RHOT1: variants seen among roughly 807,000 people sequenced by gnomAD.
RHOT1 encodes the protein mitochondrial Rho GTPase 1.
RHOT1 carries 27 observed loss-of-function variants against 95.3 expected under a neutral mutation model. The observed-to-expected ratio is 0.28, with a 90% CI of 0.21 to 0.39. The LOEUF is 0.39. Among genes scored for constraint, RHOT1 ranks in the 10% least tolerant of loss-of-function variants. The pLI is 1.00. For missense variants in RHOT1, 578 were observed against 786.7 expected, an observed-to-expected ratio of 0.73 and a Z score of 3.17; for synonymous variants, 227 against 263.5, an observed-to-expected ratio of 0.86 and a Z score of 1.34.
intron 1 of RHOT1, among the ~76,000 whole-genome samples, chr17:32,145,274 TG>T (rs2031139126): frequency 6.6e-6 from 1 of 152,126 alleles, no homozygotes; most frequent in Admixed American, 6.6e-5. Context: ...CATTCCAACC[TG>T]GGGGACAGAG....
intron 1 of RHOT1, among the ~76,000 whole-genome samples, chr17:32,159,011 G>A (rs1038182965): frequency 6.6e-6 from 1 of 152,172 alleles, no homozygotes; most frequent in Non-Finnish European, 1.5e-5. Context: ...GCAGCTGAGT[G>A]CATCACTCCT....
chr17:32,154,538 G>C (rs1193580804), intron 1 of RHOT1, among the ~76,000 whole-genome samples: 1 of 146,870 alleles, frequency 6.8e-6, no homozygotes, highest in African/African-American at 2.5e-5. Flanking sequence ...GGTGAGCAGA[G>C]ACGGCGCCAC....
At chr17:32,209,368 CAG>C in intron 18 of RHOT1, 1 of 1,608,996 alleles carries the variant, frequency 6.2e-7, no homozygotes, top group Non-Finnish European at 8.5e-7. Context: ...ATTACAGAGA[CAG>C]ACTCTCCCGA....
At chr17:32,224,574 A>G (rs548177654) in intron 19 of RHOT1, 42 bp from the exon 20 acceptor site, 7 of 1,387,260 alleles carry the variant, frequency 5.0e-6, no homozygotes, top group Non-Finnish European at 7.0e-6. Flanking sequence ...GGGTTTTCAT[A>G]CTAATCATGT....
At chr17:32,220,448 TTGA>T (rs1189234699) in intron 19 of RHOT1, among the ~76,000 whole-genome samples, 3 of 152,188 alleles carry the variant, frequency 2.0e-5, no homozygotes, top group Admixed American at 2.0e-4. Flanking sequence ...GTTTCCATAA[TTGA>T]TGAAGAAGTC....
At position 32,199,534 on chromosome 17, in the gene RHOT1, T is replaced by A; in HGVS notation, c.1084T>A (p.Phe362Ile). Residue 362 changes from phenylalanine to isoleucine, a missense_variant, in exon 13 of 20, where the codon TTC becomes ATC. By Grantham distance (21) the Phe-to-Ile change is conservative (BLOSUM62 0). Transcript: ENST00000545287. The stretch of plus-strand genomic sequence containing the variant: ...AAGAGGCTGGATAACCTACCAGGGA[T>A]TCCTTTCCCAGTGGACGTGAGTATA... ...NERGWITYQGFLSQWTLTTYL... is the reference protein window; with the variant it reads ...NERGWITYQGILSQWTLTTYL... 6.2e-7 allele frequency: 1 copy of A among 1,609,644 alleles called. No homozygotes were observed. The highest frequency in any genetic ancestry group is 8.5e-7 in the Non-Finnish European group (1 of 1,179,008).
chr17:32,155,583 C>T (rs2032883883), intron 1 of RHOT1, among the ~76,000 whole-genome samples: 1 of 150,366 alleles, frequency 6.7e-6, no homozygotes, highest in Non-Finnish European at 1.5e-5. Context: ...CACTCTGTTG[C>T]CCAAGCTGGA....
intron 1 of RHOT1, 162 bp downstream of exon 1, chr17:32,142,891 C>T (rs577969277): frequency 4.2e-5 from 32 of 759,644 alleles, no homozygotes; most frequent in Non-Finnish European, 7.3e-5. Context: ...CCTTCCAGCC[C>T]CTTCACTCTT....
intron 15 of RHOT1, 71 bp from the exon 16 acceptor site, chr17:32,203,819 T>C (rs1365930696): frequency 4.7e-6 from 5 of 1,064,098 alleles, no homozygotes; most frequent in East Asian, 2.4e-5. Context: ...CCTGCACATA[T>C]ACACAGAGAT....
At chr17:32,207,136 T>A in intron 17 of RHOT1, 107 bp downstream of exon 17, 1 of 1,076,018 alleles carries the variant, frequency 9.3e-7, no homozygotes, top group Non-Finnish European at 1.3e-6. Flanking sequence ...ATCATGTGTA[T>A]TTTAAAAATA....
rs1248656949 is a variant in RHOT1, at chr17:32,212,572, ACCT to A, written c.1862+1338_1862+1340del. Among the ~76,000 whole-genome samples the A allele has an allele frequency of 7.9e-5, 12 of 152,038 alleles. No homozygotes were observed. The South Asian group carries it at 2.1e-3, about 26-fold the overall frequency. The stretch of plus-strand genomic sequence containing the variant: ...GAGATTCTAGAATTCATCTGGCCTA[ACCT>A]CCTGTTAGAATGCCTTCCTGCAAGC... On this transcript the variant is annotated intron_variant, in intron 19 of 19. Transcript: ENST00000545287.
In RHOT1 at chr17:32,206,976, G is replaced by A; in HGVS notation, c.1483G>A (p.Val495Ile). 1.2e-6 allele frequency: 2 copies of A among 1,612,206 alleles called. No homozygotes were observed. Among genetic ancestry groups the A allele is most frequent in the East Asian group, 2.2e-5 (1 of 44,792 alleles). The part of the protein sequence containing the change: ...AEIICDVVCL[V>I]YDVSNPKSFE... Reference sequence around the variant, plus strand: ...AATCATTTGTGATGTTGTATGCCTGGTATATGATGTCAGCAATCCCAAATC... The same window carrying A: ...AATCATTTGTGATGTTGTATGCCTGATATATGATGTCAGCAATCCCAAATC... The change falls in exon 17 of 20, where the codon GTA becomes ATA. Residue 495 changes from valine to isoleucine, a missense_variant. Physicochemically the swap from Val to Ile is conservative, Grantham distance 29 (BLOSUM62 3). Transcript: ENST00000545287.
At chr17:32,199,214 T>C (rs118023416) in intron 12 of RHOT1, among the ~76,000 whole-genome samples, 183 bp downstream of exon 12, 2,940 of 152,338 alleles carry the variant, frequency 0.019, 39 homozygotes, top group South Asian at 0.026. Flanking sequence ...AAGATGAAAA[T>C]GTCTAATTTC....
intron 1 of RHOT1, among the ~76,000 whole-genome samples, chr17:32,162,499 C>T (rs1466521789): frequency 1.3e-5 from 2 of 152,238 alleles, no homozygotes; most frequent in South Asian, 2.1e-4. Context: ...CCTGTTATTC[C>T]CAGTTCTCCG....
chr17:32,197,015 C>T (rs1385794689), intron 11 of RHOT1, among the ~76,000 whole-genome samples: 5 of 150,016 alleles, frequency 3.3e-5, no homozygotes, highest in South Asian at 2.1e-4. Context: ...CCCAGCTATT[C>T]GGGAGGCTGA....
intron 6 of RHOT1, among the ~76,000 whole-genome samples, chr17:32,178,138 G>A (rs1187700509): frequency 5.3e-5 from 8 of 151,704 alleles, no homozygotes; most frequent in Admixed American, 2.6e-4. Flanking sequence ...TGAGTCGATC[G>A]ACCACCCAGC....
chr17:32,151,119 T>G (rs1348890629), intron 1 of RHOT1: 13 of 876,934 alleles, frequency 1.5e-5, no homozygotes, highest in Non-Finnish European at 2.2e-5. Context: ...TCCTCTCCAA[T>G]TTACCATGAC....
intron 6 of RHOT1, among the ~76,000 whole-genome samples, chr17:32,177,460 AGAG>A (rs2035097805): frequency 1.3e-5 from 2 of 152,136 alleles, no homozygotes; most frequent in South Asian, 4.1e-4. Flanking sequence ...GGAATCTTTA[AGAG>A]AGGGCAGTTT....
intron 18 of RHOT1, chr17:32,209,453 A>G: frequency 6.7e-7 from 1 of 1,503,160 alleles, no homozygotes. Context: ...TTTGTAAGTT[A>G]CTTTTTCTTT....
Sources: gnomAD v4.1 joint callset for allele counts (sites outside exome capture counted in the v4.1 genomes callset) on GRCh38, gnomAD v4.1.1 for gene constraint, MANE v1.5 for transcripts, NCBI Gene and HGNC (gene_info 2026-07-23, HGNC 2026-07-21) for gene names.